Variants in RANBP17 observed in about 807,000 individuals in gnomAD.
The protein encoded by RANBP17 is RAN binding protein 17, also known as ran-binding protein 17.
RANBP17 carries 158 observed loss-of-function variants against 141.2 expected under a neutral mutation model. That is an observed-to-expected ratio of 1.12 (90% confidence interval 0.98 to 1.28). RANBP17 has a LOEUF of 1.28. Among genes scored for constraint, RANBP17 ranks in the 50% most tolerant of loss-of-function variants. The pLI is 0.00. For missense variants in RANBP17, 1,438 were observed against 1,290.7 expected (o/e 1.11, Z -1.75); for synonymous variants, 430 against 450.0 (o/e 0.96, Z 0.56).
intron 14 of RANBP17, among the ~76,000 whole-genome samples, chr5:171,153,366 C>T (rs1438393054): frequency 2.0e-5 from 3 of 152,174 alleles, no homozygotes; most frequent in Non-Finnish European, 4.4e-5. Context: ...ATTAGTGGCA[C>T]TCTTTTTTTT....
chr5:171,183,453 A>C, intron 18 of RANBP17, 23 bp downstream of exon 18: 5 of 1,474,374 alleles, frequency 3.4e-6, no homozygotes, highest in Non-Finnish European at 3.8e-6. Context: ...ATTTAAACTC[A>C]ATTAATAAGG....
At chr5:171,139,422 A>G (rs924104639) in intron 14 of RANBP17, among the ~76,000 whole-genome samples, 3 of 152,144 alleles carry the variant, frequency 2.0e-5, no homozygotes, top group African/African-American at 7.2e-5. Context: ...ACTTATCTAC[A>G]TACTTATCTT....
intron 1 of RANBP17, among the ~76,000 whole-genome samples, chr5:170,864,975 G>A (rs942971937): frequency 6.6e-6 from 1 of 152,152 alleles, no homozygotes; most frequent in Admixed American, 6.5e-5. Context: ...TGTATGGCAG[G>A]CACTGGATTA....
intron 25 of RANBP17, among the ~76,000 whole-genome samples, chr5:171,290,205 A>T (rs1172467041): frequency 6.6e-6 from 1 of 151,386 alleles, no homozygotes; most frequent in Non-Finnish European, 1.5e-5. Flanking sequence ...TGTCTCTACT[A>T]AAAAAATACA....
intron 14 of RANBP17, among the ~76,000 whole-genome samples, chr5:171,130,180 A>G (rs1254695988): frequency 1.3e-5 from 2 of 152,158 alleles, no homozygotes; most frequent in African/African-American, 2.4e-5. Flanking sequence ...TGTACTTTGC[A>G]TAAGAACATT....
intron 5 of RANBP17, among the ~76,000 whole-genome samples, chr5:170,908,993 T>C (rs1210160000): frequency 2.6e-5 from 4 of 151,908 alleles, no homozygotes; most frequent in Admixed American, 6.6e-5. Context: ...GCTTTGCCTG[T>C]TCCTATTGAT....
intron 3 of RANBP17, among the ~76,000 whole-genome samples, chr5:170,885,868 C>CT (rs33975152): frequency 0.016 from 2,203 of 139,376 alleles, 50 homozygotes; most frequent in African/African-American, 0.045. Flanking sequence ...CACTCTCCAC[C>CT]TTTTTTTTTT....
intron 16 of RANBP17, among the ~76,000 whole-genome samples, chr5:171,175,957 A>G (rs1337678546): frequency 6.6e-6 from 1 of 152,172 alleles, no homozygotes; most frequent in Non-Finnish European, 1.5e-5. Flanking sequence ...TAAGAATTTC[A>G]AGACCTCAAC....
In RANBP17 at chr5:171,173,488, C is replaced by T. The variant is rs188938946; in HGVS notation, c.1865+2202C>T. 4.0e-3 allele frequency among the ~76,000 whole-genome samples: 612 copies of T among 152,002 alleles called. 4 individuals are homozygous for T. The highest frequency in any genetic ancestry group is 0.014 in the African/African-American group (589 of 41,488). On this transcript the variant is annotated intron_variant, in intron 16 of 27. Transcript: ENST00000523189. ...TTTTTAATGTTCTTTATTTATAGTACATGTCTTCAGATACTTTCTGTTTTA... is the reference window on the plus strand; with the variant it reads ...TTTTTAATGTTCTTTATTTATAGTATATGTCTTCAGATACTTTCTGTTTTA...
intron 14 of RANBP17, among the ~76,000 whole-genome samples, chr5:171,046,318 C>T (rs1241777446): frequency 6.6e-6 from 1 of 150,892 alleles, no homozygotes; most frequent in Non-Finnish European, 1.5e-5. Flanking sequence ...AAGCGATTCT[C>T]CTGCCTCAGC....
chr5:170,979,315 T>C lies in RANBP17; in HGVS notation c.1710+10938T>C, dbSNP rs971555325. 2.6e-5 allele frequency among the ~76,000 whole-genome samples: 4 copies of C among 152,350 alleles called. No individual in the cohort carries two copies. In the East Asian group the frequency reaches 7.7e-4, roughly 29 times the overall value. On this transcript the variant is annotated intron_variant, in intron 14 of 27. Coordinates refer to ENST00000523189, the MANE Select transcript of RANBP17 (RefSeq NM_022897.5). ...TATGCCTTTCTCTATATTTGAAATA[T>C]TTAATTTGCAAAAGAAATAATTATA...
intron 14 of RANBP17, among the ~76,000 whole-genome samples, chr5:170,973,015 A>G (rs1777102603): frequency 6.6e-6 from 1 of 152,080 alleles, no homozygotes; most frequent in African/African-American, 2.4e-5. Context: ...ATTCCACTTT[A>G]TGACATGATT....
intron 14 of RANBP17, among the ~76,000 whole-genome samples, chr5:171,165,308 A>G (rs1400631066): frequency 6.6e-6 from 1 of 151,600 alleles, no homozygotes; most frequent in Admixed American, 6.6e-5. Context: ...CAGCCTCCCA[A>G]GTAGCTGGGA....
In RANBP17 at chr5:170,919,495, A is replaced by G; in HGVS notation, c.1156A>G (p.Met386Val). The G allele has an allele frequency of 6.2e-7, 1 of 1,611,250 alleles. No individual in the cohort carries two copies. The highest frequency in any genetic ancestry group is 1.1e-5 in the South Asian group (1 of 90,556). Residue 386 changes from methionine to valine, a missense_variant, in exon 11 of 28, where the codon ATG becomes GTG. Coordinates refer to ENST00000523189, the MANE Select transcript of RANBP17 (RefSeq NM_022897.5). ...VHYLLTLWQR[M>V]VASVPFVKST... is the part of the protein sequence containing the mutation. ...TTATTTATTAACTCTGTGGCAAAGG[A>G]TGGTAGCATCTGTTCCTTTTGTGAA...
At position 170,923,114 on chromosome 5, in the gene RANBP17, C is replaced by G. The variant is rs184747461; in HGVS notation, c.1275-1243C>G. The stretch of plus-strand genomic sequence containing the variant: ...CACAGAGATTTTTCTTTTATTTTCC[C>G]TTCTAGGAGTTTTATTGTCTTAGAA... On this transcript the variant is annotated intron_variant, in intron 11 of 27. Transcript: ENST00000523189. 1.2e-3 allele frequency among the ~76,000 whole-genome samples: 180 copies of G among 152,126 alleles called. 1 individual carries two copies. Among genetic ancestry groups the G allele is most frequent in the East Asian group, 2.9e-3 (15 of 5,176 alleles).
rs949944696 is a variant in RANBP17, at chr5:171,055,888, AAAAAAAAAC to A, written c.1710+87520_1710+87528del. Among the ~76,000 whole-genome samples the A allele has an allele frequency of 3.5e-5, 5 of 141,638 alleles. 1 individual carries two copies. The highest frequency in any genetic ancestry group is 3.6e-3 in the Middle Eastern group (1 of 280). 92.9% of individuals were successfully genotyped at this position (141,638 alleles called of 152,430 possible). A position where few individuals can be genotyped will look rare whatever the true frequency, so the allele number is the denominator to read the frequency against. ...CAGTTGTGTCCTGTTGCCAAAAAAA[AAAAAAAAAC>A]AAAAAAAAAAACATTCTTATTACAC... On this transcript the variant is annotated intron_variant, in intron 14 of 27. Transcript: ENST00000523189.
At chr5:171,249,217 A>C (rs1308732457) in intron 24 of RANBP17, among the ~76,000 whole-genome samples, 2 of 152,218 alleles carry the variant, frequency 1.3e-5, no homozygotes, top group Admixed American at 1.3e-4. Flanking sequence ...TACTGCATAC[A>C]TCCACAATCA....
intron 14 of RANBP17, among the ~76,000 whole-genome samples, chr5:171,061,809 TA>T (rs2127673453): frequency 6.6e-6 from 1 of 152,338 alleles, no homozygotes; most frequent in East Asian, 1.9e-4. Flanking sequence ...AGTCTCTTTG[TA>T]GGTCACTCAG....
chr5:170,948,141 C>T (rs1279434866), intron 12 of RANBP17, among the ~76,000 whole-genome samples: 1 of 152,154 alleles, frequency 6.6e-6, no homozygotes, highest in Admixed American at 6.6e-5. Context: ...TTATATTAAA[C>T]TGTGTGAGTA....
Sources: allele counts gnomAD v4.1 joint callset (sites outside exome capture counted in the v4.1 genomes callset), GRCh38; gene constraint gnomAD v4.1.1; transcripts MANE v1.5; gene names NCBI Gene and HGNC (gene_info 2026-07-23, HGNC 2026-07-21).